Variants in MYO10 observed in about 807,000 individuals in gnomAD.
MYO10 encodes the protein unconventional myosin-X.
Under a neutral mutation model 257.3 loss-of-function variants are expected in MYO10, and 133 were observed. The observed-to-expected ratio is 0.52, with a 90% CI of 0.45 to 0.60. The LOEUF (loss-of-function observed/expected upper bound fraction) is 0.60. Among genes scored for constraint, MYO10 ranks in the 20% least tolerant of loss-of-function variants. The pLI is 0.00. For synonymous variants in MYO10, 1,104 were observed against 1,028.6 expected (o/e 1.07, Z -1.40); for missense variants, 2,399 against 2,635.7 (o/e 0.91, Z 1.97).
intron 1 of MYO10, among the ~76,000 whole-genome samples, chr5:16,883,009 A>G (rs1199541948): frequency 6.6e-6 from 1 of 151,378 alleles, no homozygotes; most frequent in Admixed American, 6.6e-5. Flanking sequence ...TCTGCCTCCC[A>G]GGTTCACGCC....
chr5:16,785,640 C>T (rs1263475606), intron 4 of MYO10, among the ~76,000 whole-genome samples: 1 of 152,296 alleles, frequency 6.6e-6, no homozygotes, highest in African/African-American at 2.4e-5. Context: ...GAGGCTGAGG[C>T]GGGTGGATTA....
chr5:16,783,158 T>C (rs1317562556), intron 5 of MYO10, among the ~76,000 whole-genome samples, 177 bp downstream of exon 5: 1 of 152,186 alleles, frequency 6.6e-6, no homozygotes, highest in East Asian at 1.9e-4. Flanking sequence ...CAGAAGGAGT[T>C]GTTGCTGGGT....
In MYO10 at chr5:16,665,480, C is replaced by A. The variant is rs1373906108; in HGVS notation, c.*1212G>T. 2.0e-5 allele frequency: 3 copies of A among 152,274 alleles called. No individual in the cohort carries two copies. The highest frequency in any genetic ancestry group is 6.5e-5 in the Admixed American group (1 of 15,300). 9.4% of individuals were successfully genotyped at this position (152,274 alleles called of 1,614,324 possible). ...AAGACCAGATTATTTTTCTTCTGGT[C>A]ATAAATGCTGATTTATTTACAGGTG... is the stretch of plus-strand genomic sequence containing the variant. On this transcript the variant is annotated 3_prime_UTR_variant, in exon 41 of 41. Coordinates refer to ENST00000513610, the MANE Select transcript of MYO10 (RefSeq NM_012334.3).
rs70940395 is a variant in MYO10 at position 16,663,328 on chromosome 5, G to GTTTTTTTTTTTTTTTTTTTTTTTT, written c.*3340_*3363dup. 2.6e-5 allele frequency: 2 copies of GTTTTTTTTTTTTTTTTTTTTTTTT among 76,888 alleles called. 1 individual carries two copies. Among genetic ancestry groups the GTTTTTTTTTTTTTTTTTTTTTTTT allele is most frequent in the Non-Finnish European group, 4.6e-5 (2 of 43,478 alleles). 4.8% of individuals were successfully genotyped at this position (76,888 alleles called of 1,614,324 possible). A position where few individuals can be genotyped will look rare whatever the true frequency, so the allele number is the denominator to read the frequency against. On this transcript the variant is annotated 3_prime_UTR_variant, in exon 41 of 41. Transcript: ENST00000513610. ...AAAAAGTAACATTTTACTTCTAGTT[G>GTTTTTTTTTTTTTTTTTTTTTTTT]TTTTTTTTTTTTTTTTTTTTTTTTT...
intron 19 of MYO10, among the ~76,000 whole-genome samples, chr5:16,721,015 A>G (rs1415346926): frequency 6.6e-6 from 1 of 152,180 alleles, no homozygotes. Flanking sequence ...GTATATTTGT[A>G]TTTGCATTTC....
At chr5:16,770,929 T>C (rs920212643) in intron 9 of MYO10, among the ~76,000 whole-genome samples, 26 of 152,266 alleles carry the variant, frequency 1.7e-4, no homozygotes, top group Admixed American at 6.5e-5. Context: ...CCACCACGCC[T>C]GGCTAATTTT....
At chr5:16,668,498 AGTCATGAAGTGGTTG>A (rs1736285114) in intron 39 of MYO10, 30 bp from the exon 40 acceptor site, 1 of 1,550,630 alleles carries the variant, frequency 6.4e-7, no homozygotes, top group Admixed American at 2.0e-5. Context: ...AGAAGAGTTA[AGTCATGAAGTGGTTG>A]GCAACAGAAA....
intron 1 of MYO10, among the ~76,000 whole-genome samples, chr5:16,922,634 T>C (rs1746021051): frequency 6.6e-6 from 1 of 152,268 alleles, no homozygotes; most frequent in Admixed American, 6.5e-5. Flanking sequence ...GGTCACCGTC[T>C]TCAGGATCCT....
chr5:16,812,629 C>G (rs1275987881), intron 3 of MYO10, among the ~76,000 whole-genome samples: 1 of 152,182 alleles, frequency 6.6e-6, no homozygotes, highest in Non-Finnish European at 1.5e-5. Context: ...CTGTAAACTT[C>G]TTCCAAATCC....
At chr5:16,861,006 G>A (rs1361689038) in intron 2 of MYO10, among the ~76,000 whole-genome samples, 1 of 152,110 alleles carries the variant, frequency 6.6e-6, no homozygotes, top group South Asian at 2.1e-4. Flanking sequence ...GAACCTGGTT[G>A]CTCATTAAAC....
At chr5:16,700,568 T>G (rs1305029927) in intron 25 of MYO10, among the ~76,000 whole-genome samples, 1 of 151,766 alleles carries the variant, frequency 6.6e-6, no homozygotes, top group East Asian at 1.9e-4. Context: ...TCCCAGCTAT[T>G]CAGGAAGCTG....
chr5:16,841,775 T>C, intron 2 of MYO10, among the ~76,000 whole-genome samples: 1 of 152,186 alleles, frequency 6.6e-6, no homozygotes, highest in East Asian at 1.9e-4. Context: ...CTGTTTTTCA[T>C]TAATATGGCT....
At chr5:16,677,353 CTT>C (rs1328673313) in intron 33 of MYO10, among the ~76,000 whole-genome samples, 1 of 148,664 alleles carries the variant, frequency 6.7e-6, no homozygotes, top group African/African-American at 2.5e-5. Context: ...TATATTTACT[CTT>C]TTAATGTCTA....
At chr5:16,853,107 A>G (rs1202616100) in intron 2 of MYO10, among the ~76,000 whole-genome samples, 1 of 152,208 alleles carries the variant, frequency 6.6e-6, no homozygotes, top group Non-Finnish European at 1.5e-5. Context: ...GCGGCGGCTC[A>G]CGCCTGTAAT....
intron 1 of MYO10, among the ~76,000 whole-genome samples, chr5:16,922,527 A>G (rs971471999): frequency 7.9e-5 from 12 of 152,206 alleles, no homozygotes; most frequent in African/African-American, 2.9e-4. Flanking sequence ...CTGGTCTAAA[A>G]GGAGTGTGTG....
intron 1 of MYO10, among the ~76,000 whole-genome samples, chr5:16,899,173 G>GATAACAGA (rs1745306422): frequency 2.0e-5 from 3 of 147,644 alleles, no homozygotes; most frequent in Non-Finnish European, 4.5e-5. Flanking sequence ...TGTGAGCAAA[G>GATAACAGA]ATAACAGACA....
At chr5:16,760,227 G>A (rs1049426200) in intron 17 of MYO10, among the ~76,000 whole-genome samples, 6 of 151,174 alleles carry the variant, frequency 4.0e-5, no homozygotes, top group East Asian at 1.9e-4. Flanking sequence ...CGAGGTGGGC[G>A]GATCATGAGG....
At chr5:16,718,615 C>G (rs1739006184) in intron 19 of MYO10, among the ~76,000 whole-genome samples, 1 of 151,912 alleles carries the variant, frequency 6.6e-6, no homozygotes, top group African/African-American at 2.4e-5. Context: ...GTATCTAGCT[C>G]AAGGTTTGTA....
At chr5:16,675,758 A>G (rs1427651094) in intron 34 of MYO10, among the ~76,000 whole-genome samples, 3 of 151,834 alleles carry the variant, frequency 2.0e-5, no homozygotes, top group African/African-American at 7.3e-5. Context: ...AACAAAACAA[A>G]AGGCTACTCT....
Sources: allele counts gnomAD v4.1 joint callset (sites outside exome capture counted in the v4.1 genomes callset), GRCh38; gene constraint gnomAD v4.1.1; transcripts MANE v1.5; gene names NCBI Gene and HGNC (gene_info 2026-07-23, HGNC 2026-07-21).